ITGA1: variants seen among roughly 807,000 people sequenced by gnomAD.
ITGA1 encodes integrin alpha-1.
ITGA1 carries 85 observed loss-of-function variants against 145.9 expected under a neutral mutation model. That is an observed-to-expected ratio of 0.58 (90% CI 0.49 to 0.70). The LOEUF (loss-of-function observed/expected upper bound fraction) is 0.70. ITGA1 is among the 30% of genes least tolerant of loss of function. The pLI, the probability that ITGA1 is intolerant of heterozygous loss-of-function variation, is 0.00. For synonymous variants in ITGA1, 520 were observed against 495.3 expected (o/e 1.05, Z -0.66); for missense variants, 1,351 against 1,418.7 (o/e 0.95, Z 0.77).
Position 52,918,590 on chromosome 5 carries a change from GATTA to G in ITGA1, c.1989-136_1989-133del, listed in dbSNP as rs560542090. The G allele has an allele frequency of 5.8e-4, 370 of 635,618 alleles. 6 individuals carry two copies. The South Asian group carries it at 0.011, about 19-fold the overall frequency. 39.4% of individuals were successfully genotyped at this position (635,618 alleles called of 1,614,324 possible). ...CAGATATAATCTCTTCTGTAACAATGATTAATTAAAGAAATGGAGTCCTGAGCGC... is the reference window on the plus strand; with the variant it reads ...CAGATATAATCTCTTCTGTAACAATGATTAAAGAAATGGAGTCCTGAGCGC... On this transcript the variant is annotated intron_variant, in intron 15 of 28. Transcript: ENST00000282588.
At chr5:52,873,591 A>T (rs1294592390) in intron 6 of ITGA1, among the ~76,000 whole-genome samples, 1 of 152,246 alleles carries the variant, frequency 6.6e-6, no homozygotes, top group East Asian at 1.9e-4. Flanking sequence ...ACATAGCTTC[A>T]GAATGGTTTG....
intron 1 of ITGA1, among the ~76,000 whole-genome samples, chr5:52,826,544 A>G (rs1207785727): frequency 6.6e-6 from 1 of 152,224 alleles, no homozygotes; most frequent in Non-Finnish European, 1.5e-5. Context: ...AGAAGGTGCC[A>G]TCTAGGACTT....
intron 17 of ITGA1, among the ~76,000 whole-genome samples, chr5:52,921,961 T>C (rs1241475555): frequency 1.3e-5 from 2 of 152,230 alleles, no homozygotes; most frequent in Admixed American, 1.3e-4. Context: ...TGGTGGCATG[T>C]TAACAGTATT....
chr5:52,811,355 T>C lies in ITGA1; in HGVS notation c.61+22941T>C, dbSNP rs1748681367. 1.3e-5 allele frequency among the ~76,000 whole-genome samples: 2 copies of C among 152,356 alleles called. 1 individual carries two copies. The highest frequency in any genetic ancestry group is 4.1e-4 in the South Asian group (2 of 4,828). On this transcript the variant is annotated intron_variant, in intron 1 of 28. Transcript: ENST00000282588. ...GTGGCTCTTGACTTCATAATCTCTC[T>C]TGCAGATATCTGATTCTACTTGGTG...
chr5:52,885,408 G>A (rs888680645), intron 7 of ITGA1, among the ~76,000 whole-genome samples: 3 of 151,304 alleles, frequency 2.0e-5, no homozygotes, highest in Non-Finnish European at 4.4e-5. Context: ...TATCACCTAG[G>A]AAATTCAACA....
intron 1 of ITGA1, among the ~76,000 whole-genome samples, chr5:52,809,674 T>C (rs1748654096): frequency 6.6e-6 from 1 of 151,850 alleles, no homozygotes; most frequent in Non-Finnish European, 1.5e-5. Flanking sequence ...CCCAGCTAAT[T>C]GTCATATTTT....
rs144253652 is a variant in ITGA1 at position 52,958,536 on chromosome 5, A to G, written c.*6085A>G. The G allele has an allele frequency of 6.6e-6, 1 of 152,312 alleles. No homozygotes were observed. The highest frequency in any genetic ancestry group is 2.4e-5 in the African/African-American group (1 of 41,568). 9.4% of individuals were successfully genotyped at this position (152,312 alleles called of 1,614,324 possible). A position where few individuals can be genotyped will look rare whatever the true frequency, so the allele number is the denominator to read the frequency against. On this transcript the variant is annotated 3_prime_UTR_variant, in exon 29 of 29. Transcript: ENST00000282588. The stretch of plus-strand genomic sequence containing the variant: ...GAACCGTTTTATACAAGAGAACTCA[A>G]CATTTACTGTTTTATTTCTGATATT...
chr5:52,834,361 C>G lies in ITGA1; in HGVS notation c.62-15004C>G, dbSNP rs140700559. On this transcript the variant is annotated intron_variant, in intron 1 of 28. Coordinates refer to ENST00000282588, the MANE Select transcript of ITGA1 (RefSeq NM_181501.2). ...CTTGATTTTTGATGAGGCTTCCCTT[C>G]CTGTCTTGTAAATGGCCATCTTCTT... is the stretch of plus-strand genomic sequence containing the variant. Among the ~76,000 whole-genome samples, 426 of 152,168 alleles carry G rather than the reference C, an allele frequency of 2.8e-3. 1 individual carries two copies. Among genetic ancestry groups the G allele is most frequent in the Non-Finnish European group, 4.1e-3 (277 of 68,018 alleles).
rs577279346 is a variant in ITGA1, at chr5:52,791,767, A to C, written c.61+3353A>C. Among the ~76,000 whole-genome samples, 12 of 152,360 alleles carry C rather than the reference A, an allele frequency of 7.9e-5. No homozygotes were observed. The South Asian group carries it at 2.5e-3, about 32-fold the overall frequency. The stretch of plus-strand genomic sequence containing the variant: ...CCTCAGCTTGTTGATTAGCCTTGAA[A>C]AAAAGAAAAGAAAAAATTAAAACTT... On this transcript the variant is annotated intron_variant, in intron 1 of 28. Coordinates refer to ENST00000282588, the MANE Select transcript of ITGA1 (RefSeq NM_181501.2).
At chr5:52,916,930 C>A (rs1750656701) in intron 15 of ITGA1, among the ~76,000 whole-genome samples, 2 of 152,100 alleles carry the variant, frequency 1.3e-5, no homozygotes, top group East Asian at 1.9e-4. Context: ...TATTTATGGC[C>A]TCTCCTGCCC....
intron 2 of ITGA1, among the ~76,000 whole-genome samples, chr5:52,850,823 C>G (rs900449349): frequency 6.6e-6 from 1 of 152,136 alleles, no homozygotes; most frequent in Non-Finnish European, 1.5e-5. Context: ...TCCACCCATC[C>G]CATTCCCCAA....
intron 16 of ITGA1, among the ~76,000 whole-genome samples, chr5:52,919,847 G>A (rs1316137678): frequency 6.6e-6 from 1 of 151,612 alleles, no homozygotes; most frequent in Non-Finnish European, 1.5e-5. Flanking sequence ...CCTTAATAGT[G>A]GTTTGACCAT....
intron 1 of ITGA1, chr5:52,800,107 C>T: frequency 2.6e-6 from 1 of 384,998 alleles, no homozygotes; most frequent in Non-Finnish European, 4.8e-6. Flanking sequence ...TTTCGTCAGC[C>T]CGCTGTTGCG....
intron 1 of ITGA1, among the ~76,000 whole-genome samples, chr5:52,813,542 CAGAACCCTGCTAT>C (rs1429630645): frequency 1.2e-4 from 18 of 152,282 alleles, no homozygotes; most frequent in Admixed American, 9.2e-4. Flanking sequence ...GAGGCACAGT[CAGAACCCTGCTAT>C]AGAAATCACC....
intron 1 of ITGA1, among the ~76,000 whole-genome samples, chr5:52,836,422 C>A: frequency 1.3e-5 from 2 of 152,218 alleles, no homozygotes; most frequent in Middle Eastern, 3.4e-3. Context: ...TTTGTGTAAG[C>A]AAATTGAACT....
chr5:52,940,328 A>G (rs1391482842), intron 26 of ITGA1, among the ~76,000 whole-genome samples: 1 of 152,172 alleles, frequency 6.6e-6, no homozygotes, highest in Non-Finnish European at 1.5e-5. Context: ...AAGAGCTAAC[A>G]TATACCATAG....
chr5:52,925,681 T>C (rs567797096), intron 19 of ITGA1, among the ~76,000 whole-genome samples, 194 bp downstream of exon 19: 1 of 152,360 alleles, frequency 6.6e-6, no homozygotes, highest in African/African-American at 2.4e-5. Context: ...AATATGTATG[T>C]CTTTTCTTAG....
intron 12 of ITGA1, 147 bp from the exon 13 acceptor site, chr5:52,908,751 C>A: frequency 1.3e-6 from 1 of 771,294 alleles, no homozygotes; most frequent in Non-Finnish European, 2.1e-6. Flanking sequence ...CAATAAATAA[C>A]TTTCAGGGAG....
chr5:52,806,710 A>C (rs1013708636), intron 1 of ITGA1, among the ~76,000 whole-genome samples: 1 of 152,142 alleles, frequency 6.6e-6, no homozygotes, highest in Non-Finnish European at 1.5e-5. Context: ...AGTATTTAAT[A>C]TCTCTATTTT....
Sources: allele counts gnomAD v4.1 joint callset (sites outside exome capture counted in the v4.1 genomes callset), GRCh38; gene constraint gnomAD v4.1.1; transcripts MANE v1.5; gene names NCBI Gene and HGNC (gene_info 2026-07-23, HGNC 2026-07-21).